Variants in SGCZ observed in about 807,000 individuals in gnomAD.
SGCZ encodes the protein sarcoglycan zeta, also known as zeta-sarcoglycan.
Under a neutral mutation model 41.3 loss-of-function variants are expected in SGCZ, and 40 were observed. That is an observed-to-expected ratio of 0.97 (90% CI 0.75 to 1.26). The LOEUF (loss-of-function observed/expected upper bound fraction) is 1.26, where lower values mean the gene tolerates loss of function less well. SGCZ is among the 50% of genes most tolerant of loss of function. SGCZ has a pLI of 0.00. For synonymous variants in SGCZ, 206 were observed against 137.5 expected (o/e 1.50, Z -3.49); for missense variants, 552 against 369.8 (o/e 1.49, Z -4.04).
intron 1 of SGCZ, among the ~76,000 whole-genome samples, chr8:14,935,266 A>T (rs57073614): frequency 0.12 from 17,961 of 151,734 alleles, 1,259 homozygotes; most frequent in African/African-American, 0.18. Context: ...ATGGTATCAC[A>T]TGTATCCTTT....
intron 1 of SGCZ, among the ~76,000 whole-genome samples, chr8:15,159,755 C>CA (rs1554468772): frequency 1.5e-5 from 1 of 66,892 alleles, no homozygotes; most frequent in Middle Eastern, 8.5e-3. Flanking sequence ...CCCCCCCACC[C>CA]CCGCCACACA....
intron 4 of SGCZ, among the ~76,000 whole-genome samples, chr8:14,234,948 T>C (rs1806702393): frequency 6.6e-6 from 1 of 152,182 alleles, no homozygotes; most frequent in African/African-American, 2.4e-5. Context: ...TAGAAAAGCA[T>C]CATGAGATTT....
intron 1 of SGCZ, among the ~76,000 whole-genome samples, chr8:15,197,413 CAA>C (rs915849121): frequency 2.6e-4 from 39 of 152,122 alleles, no homozygotes; most frequent in Middle Eastern, 3.4e-3. Context: ...GGAAAAATAT[CAA>C]AGAGTTTACA....
chr8:14,685,202 GCAGTTATTTGCA>G (rs1177662828), intron 1 of SGCZ, among the ~76,000 whole-genome samples: 1 of 152,000 alleles, frequency 6.6e-6, no homozygotes, highest in African/African-American at 2.4e-5. Context: ...TCATGATGGA[GCAGTTATTTGCA>G]CCTGGAATAA....
intron 1 of SGCZ, among the ~76,000 whole-genome samples, chr8:15,147,407 T>C (rs185322494): frequency 6.6e-6 from 1 of 152,030 alleles, no homozygotes; most frequent in Non-Finnish European, 1.5e-5. Flanking sequence ...GCCTCCCGAG[T>C]AACTGGGATT....
chr8:14,093,605 G>T lies in SGCZ; in HGVS notation c.745-2968C>A, dbSNP rs543151030. Among the ~76,000 whole-genome samples, 48 of 152,152 alleles carry T rather than the reference G, an allele frequency of 3.2e-4. 1 individual carries two copies. The highest frequency in any genetic ancestry group is 1.1e-3 in the African/African-American group (44 of 41,538). ...GAGTGGGGGGAGATATTAACTGGGTGGTTGTGAAATATGGATGGGAGGTAG... is the reference window on the plus strand; with the variant it reads ...GAGTGGGGGGAGATATTAACTGGGTTGTTGTGAAATATGGATGGGAGGTAG... On this transcript the variant is annotated intron_variant, in intron 7 of 7. Transcript: ENST00000382080.
rs527465557 is a variant in SGCZ, at chr8:14,917,441, G to T, written c.39+320144C>A. Among the ~76,000 whole-genome samples the T allele has an allele frequency of 3.9e-5, 6 of 152,146 alleles. No homozygotes were observed. The South Asian group carries it at 1.2e-3, about 32-fold the overall frequency. ...TCATTCCTAAATCAAATCTCTTACA[G>T]TTTAATCAATAAAATTACTGGGCAA... On this transcript the variant is annotated intron_variant, in intron 1 of 7. Transcript: ENST00000382080.
intron 1 of SGCZ, among the ~76,000 whole-genome samples, chr8:15,195,337 T>C (rs1324178538): frequency 6.6e-6 from 1 of 152,148 alleles, no homozygotes; most frequent in African/African-American, 2.4e-5. Context: ...TGTGGAATGA[T>C]GGAATGTTCG....
chr8:14,419,029 A>G (rs929635771), intron 2 of SGCZ, among the ~76,000 whole-genome samples: 2 of 151,962 alleles, frequency 1.3e-5, no homozygotes, highest in East Asian at 1.9e-4. Flanking sequence ...TTAATATTAC[A>G]TATCTACTAA....
intron 1 of SGCZ, among the ~76,000 whole-genome samples, chr8:14,914,700 A>C (rs781485190): frequency 5.9e-5 from 9 of 152,218 alleles, no homozygotes; most frequent in Non-Finnish European, 8.8e-5. Context: ...TGCTATTACA[A>C]AAATCTTATC....
At chr8:14,278,132 G>C (rs1199137975) in intron 3 of SGCZ, among the ~76,000 whole-genome samples, 1 of 151,960 alleles carries the variant, frequency 6.6e-6, no homozygotes, top group Non-Finnish European at 1.5e-5. Flanking sequence ...ACTATTGTCT[G>C]GTTTGGCTAG....
intron 2 of SGCZ, among the ~76,000 whole-genome samples, chr8:14,430,724 G>A (rs1799920299): frequency 1.3e-5 from 2 of 152,194 alleles, no homozygotes; most frequent in South Asian, 4.2e-4. Flanking sequence ...GAAATAAAGG[G>A]CATCCAAATC....
chr8:15,174,124 T>C (rs1799931980), intron 1 of SGCZ, among the ~76,000 whole-genome samples: 3 of 152,184 alleles, frequency 2.0e-5, no homozygotes, highest in Admixed American at 6.5e-5. Context: ...ATGTTAATAG[T>C]TCAAAACATC....
chr8:14,832,918 T>G (rs1393070567), intron 1 of SGCZ, among the ~76,000 whole-genome samples: 4 of 152,160 alleles, frequency 2.6e-5, no homozygotes, highest in African/African-American at 9.7e-5. Context: ...CAAATAAATA[T>G]AATCTTGCAT....
At chr8:15,069,662 A>T (rs2131025890) in intron 1 of SGCZ, among the ~76,000 whole-genome samples, 1 of 152,310 alleles carries the variant, frequency 6.6e-6, no homozygotes, top group Admixed American at 6.5e-5. Flanking sequence ...ACCGCATATG[A>T]CTTTATTCCA....
At chr8:14,240,869 TA>T (rs1416076650) in intron 3 of SGCZ, among the ~76,000 whole-genome samples, 1 of 152,124 alleles carries the variant, frequency 6.6e-6, no homozygotes. Context: ...CAGTACTAAT[TA>T]AAACACATGT....
intron 2 of SGCZ, among the ~76,000 whole-genome samples, chr8:14,420,827 A>G (rs1360135234): frequency 1.3e-5 from 2 of 152,046 alleles, no homozygotes; most frequent in Non-Finnish European, 2.9e-5. Context: ...TCTTTGTTAA[A>G]ATATTTTGGT....
intron 3 of SGCZ, among the ~76,000 whole-genome samples, chr8:14,301,189 C>A (rs964291643): frequency 1.3e-5 from 2 of 151,902 alleles, no homozygotes; most frequent in East Asian, 1.9e-4. Context: ...ACATGTACAA[C>A]CTTCCTTGTT....
intron 1 of SGCZ, among the ~76,000 whole-genome samples, chr8:15,076,697 T>A (rs1805543318): frequency 6.6e-6 from 1 of 151,960 alleles, no homozygotes; most frequent in African/African-American, 2.4e-5. Context: ...ACCTTTGAAC[T>A]TTTCTGTATC....
Sources: gnomAD v4.1 joint callset for allele counts (sites outside exome capture counted in the v4.1 genomes callset) on GRCh38, gnomAD v4.1.1 for gene constraint, MANE v1.5 for transcripts, NCBI Gene and HGNC (gene_info 2026-07-23, HGNC 2026-07-21) for gene names.